ITPR1: variants seen among roughly 807,000 people sequenced by gnomAD.
ITPR1 encodes inositol 1,4,5-trisphosphate receptor type 1.
In ITPR1, 96 loss-of-function variants were observed where a neutral mutation model predicts 318.4. The observed-to-expected ratio is 0.30, with a 90% CI of 0.26 to 0.36. The LOEUF is 0.36. ITPR1 is among the 10% of genes least tolerant of loss of function. The pLI is 1.00. For synonymous variants in ITPR1, 1,312 were observed against 1,289.9 expected, an observed-to-expected ratio of 1.02 and a Z score of -0.37; for missense variants, 2,440 against 3,460.2, an observed-to-expected ratio of 0.71 and a Z score of 7.40.
intron 5 of ITPR1, among the ~76,000 whole-genome samples, chr3:4,636,773 C>T (rs889413443): frequency 1.3e-5 from 2 of 152,218 alleles, no homozygotes; most frequent in African/African-American, 4.8e-5. Context: ...ATTTATTCTC[C>T]AATGTTGTTT....
chr3:4,587,355 C>T (rs915888619), intron 4 of ITPR1, among the ~76,000 whole-genome samples: 2 of 148,068 alleles, frequency 1.4e-5, no homozygotes, highest in Non-Finnish European at 3.0e-5. Flanking sequence ...CTTACTGCAA[C>T]CTCCACCTCC....
chr3:4,708,181 T>A (rs2094798208), intron 37 of ITPR1, among the ~76,000 whole-genome samples: 1 of 152,168 alleles, frequency 6.6e-6, no homozygotes, highest in African/African-American at 2.4e-5. Flanking sequence ...ACAGCATGTG[T>A]AAAGACCGTT....
chr3:4,535,677 C>CCT (rs1475695154), intron 4 of ITPR1, among the ~76,000 whole-genome samples: 1 of 151,828 alleles, frequency 6.6e-6, no homozygotes, highest in Non-Finnish European at 1.5e-5. Context: ...AATCTCCTGA[C>CCT]CTTGTGATCC....
chr3:4,727,745 T>C (rs1159280817), intron 42 of ITPR1, among the ~76,000 whole-genome samples: 2 of 152,144 alleles, frequency 1.3e-5, no homozygotes, highest in Admixed American at 1.3e-4. Flanking sequence ...TTTTCTTTTA[T>C]TTTTTATTTT....
Position 4,518,242 on chromosome 3 carries a change from G to T in ITPR1, c.92+1659G>T, listed in dbSNP as rs73127266. Among the ~76,000 whole-genome samples the T allele has an allele frequency of 3.7e-3, 558 of 152,246 alleles. 4 individuals are homozygous for T. The highest frequency in any genetic ancestry group is 0.013 in the African/African-American group (530 of 41,536). ...CTCTATTCCCATGTTTCCCCTGGGG[G>T]TCTTGATTTCCCAGTCACCCAGGTG... On this transcript the variant is annotated intron_variant, in intron 3 of 61. Coordinates refer to ENST00000649015, the MANE Select transcript of ITPR1 (RefSeq NM_001378452.1).
At chr3:4,648,811 G>A (rs939694730) in intron 10 of ITPR1, among the ~76,000 whole-genome samples, 2 of 152,284 alleles carry the variant, frequency 1.3e-5, no homozygotes, top group Middle Eastern at 3.4e-3. Context: ...CCCTGTCTCC[G>A]AAAAGAAAAG....
chr3:4,493,886 C>CTTTTTTTTTTTTTTTTT (rs71301158), intron 1 of ITPR1, among the ~76,000 whole-genome samples: 1 of 125,622 alleles, frequency 8.0e-6, no homozygotes. Flanking sequence ...GGAAATAGTT[C>CTTTTTTTTTTTTTTTTT]TTTTTTTTTT....
Position 4,779,576 on chromosome 3 carries a change from C to A in ITPR1, c.6318C>A (p.Ala2106=). ...LKNNASKLLL[A]IMESRHDSEN... is the part of the protein sequence containing the mutation. ...ACAATGCCTCGAAGTTGCTCCTGGCCATCATGGAAAGCAGGCACGACAGTG... is the reference window on the plus strand; with the variant it reads ...ACAATGCCTCGAAGTTGCTCCTGGCAATCATGGAAAGCAGGCACGACAGTG... The change falls in exon 49 of 62, where the codon GCC becomes GCA. Residue 2106 remains alanine (A), a synonymous_variant. Transcript: ENST00000649015. The surrounding 1 kb of genome is among the most constrained non-coding windows in gnomAD (Gnocchi z 4.0). The A allele has an allele frequency of 6.2e-7, 1 of 1,612,566 alleles. No homozygotes were observed.
At chr3:4,744,149 A>C (rs975592552) in intron 44 of ITPR1, among the ~76,000 whole-genome samples, 3 of 152,220 alleles carry the variant, frequency 2.0e-5, no homozygotes, top group African/African-American at 7.2e-5. Context: ...ATTTGTTTCT[A>C]AGAGGAGATG....
chr3:4,650,842 T>A (rs1474092431), intron 10 of ITPR1, among the ~76,000 whole-genome samples: 2 of 151,636 alleles, frequency 1.3e-5, no homozygotes, highest in Non-Finnish European at 2.9e-5. Context: ...ATGGGTCACG[T>A]TTTTCTGATT....
intron 4 of ITPR1, among the ~76,000 whole-genome samples, chr3:4,578,765 C>A (rs921053745): frequency 6.6e-6 from 1 of 152,168 alleles, no homozygotes; most frequent in East Asian, 1.9e-4. Flanking sequence ...TAGATGACTG[C>A]ACCTCTGAAA....
chr3:4,619,802 TCTCCTCTGCCCTCCCCTCCC>T lies in ITPR1; in HGVS notation c.164-7953_164-7934del, dbSNP rs1237171092. The stretch of plus-strand genomic sequence containing the variant: ...CCTGCTCTCCTCTGCCCTCCCCTGC[TCTCCTCTGCCCTCCCCTCCC>T]CTCCTCTCCCCTCTCCCCTCTCCTT... On this transcript the variant is annotated intron_variant, in intron 4 of 61. Coordinates refer to ENST00000649015, the MANE Select transcript of ITPR1 (RefSeq NM_001378452.1). 2.2e-4 allele frequency among the ~76,000 whole-genome samples: 26 copies of T among 120,122 alleles called. 1 individual carries two copies. Among genetic ancestry groups the T allele is most frequent in the Non-Finnish European group, 3.5e-4 (20 of 56,550 alleles). 78.8% of individuals were successfully genotyped at this position (120,122 alleles called of 152,430 possible). A position where few individuals can be genotyped will look rare whatever the true frequency, so the allele number is the denominator to read the frequency against.
chr3:4,780,691 C>G (rs1183522245), intron 49 of ITPR1, among the ~76,000 whole-genome samples: 1 of 152,182 alleles, frequency 6.6e-6, no homozygotes, highest in Non-Finnish European at 1.5e-5. Flanking sequence ...TCTTTGATCT[C>G]TGAGGTCAGG....
At chr3:4,663,024 C>T (rs2093870910) in intron 15 of ITPR1, 41 bp from the exon 16 acceptor site, 1 of 1,599,500 alleles carries the variant, frequency 6.3e-7, no homozygotes, top group Non-Finnish European at 8.6e-7. Context: ...GCCTGCTGAA[C>T]ACTGAACACA....
chr3:4,604,784 G>A (rs1350271683), intron 4 of ITPR1, among the ~76,000 whole-genome samples: 1 of 152,094 alleles, frequency 6.6e-6, no homozygotes, highest in Non-Finnish European at 1.5e-5. Context: ...AGGGAATGCA[G>A]AGAGAGGCCT....
intron 39 of ITPR1, among the ~76,000 whole-genome samples, chr3:4,717,089 A>G (rs1423535833): frequency 6.6e-6 from 1 of 152,242 alleles, no homozygotes; most frequent in Non-Finnish European, 1.5e-5. Flanking sequence ...TCCACAAGCA[A>G]GCACACGGCT....
At chr3:4,686,689 C>A (rs145004859) in intron 30 of ITPR1, among the ~76,000 whole-genome samples, 2 of 152,282 alleles carry the variant, frequency 1.3e-5, no homozygotes, top group African/African-American at 4.8e-5. Context: ...TTCCAAAGAA[C>A]GGTGGAGGAA....
chr3:4,559,850 T>G (rs1001221436), intron 4 of ITPR1, among the ~76,000 whole-genome samples: 1 of 152,068 alleles, frequency 6.6e-6, no homozygotes, highest in Non-Finnish European at 1.5e-5. Context: ...AGGAACAAGG[T>G]CTTTCTAATA....
intron 4 of ITPR1, among the ~76,000 whole-genome samples, chr3:4,555,433 A>G (rs2086025893): frequency 6.6e-6 from 1 of 152,176 alleles, no homozygotes; most frequent in Admixed American, 6.5e-5. Context: ...CATTTTTATG[A>G]ATTTTCTTAA....
Sources: gnomAD v4.1 joint callset for allele counts (sites outside exome capture counted in the v4.1 genomes callset) on GRCh38, gnomAD v4.1.1 for gene constraint, Gnocchi (gnomAD v3.1) non-coding constraint, MANE v1.5 for transcripts, NCBI Gene and HGNC (gene_info 2026-07-23, HGNC 2026-07-21) for gene names.